Variants in SOX6 observed in about 807,000 individuals in gnomAD.
SOX6 encodes the protein transcription factor SOX-6.
In SOX6, 11 loss-of-function variants were observed where a neutral mutation model predicts 97.8. The observed-to-expected ratio is 0.11, with a 90% CI of 0.07 to 0.19. SOX6 has a LOEUF of 0.19. SOX6 is among the 10% of genes least tolerant of loss of function. The pLI, the probability that SOX6 is intolerant of heterozygous loss-of-function variation, is 1.00. For synonymous variants in SOX6, 360 were observed against 371.4 expected, an observed-to-expected ratio of 0.97 and a Z score of 0.35; for missense variants, 810 against 1,039.5, an observed-to-expected ratio of 0.78 and a Z score of 3.04.
At position 16,246,356 on chromosome 11, in the gene SOX6, T is replaced by C. The variant is rs1051494075; in HGVS notation, c.446-11685A>G. ...AACCATTTACAGTAACCTTCATTAC[T>C]TTTTAAAATCTAAGTTTCCATCTAG... is the stretch of plus-strand genomic sequence containing the variant. On this transcript the variant is annotated intron_variant, in intron 3 of 15. Coordinates refer to ENST00000683767, the MANE Select transcript of SOX6 (RefSeq NM_001367873.1). Among the ~76,000 whole-genome samples the C allele has an allele frequency of 1.1e-4, 17 of 151,936 alleles. 1 individual carries two copies. In the East Asian group the frequency reaches 3.3e-3, roughly 29 times the overall value.
intron 2 of SOX6, among the ~76,000 whole-genome samples, chr11:16,334,121 C>A (rs1856390327): frequency 6.6e-6 from 1 of 151,794 alleles, no homozygotes; most frequent in Admixed American, 6.6e-5. Flanking sequence ...CTTATACAGA[C>A]TTAATGATTA....
intron 3 of SOX6, chr11:16,312,055 T>C (rs1855619303): frequency 6.6e-6 from 1 of 152,170 alleles, no homozygotes; most frequent in Non-Finnish European, 1.5e-5. Context: ...CCTTCTTACA[T>C]GCACAGTAAA....
intron 4 of SOX6, among the ~76,000 whole-genome samples, chr11:16,202,659 T>A (rs980917029): frequency 6.6e-6 from 1 of 152,058 alleles, no homozygotes; most frequent in Non-Finnish European, 1.5e-5. Flanking sequence ...CAACCACCTA[T>A]CTCTCCAGAA....
intron 4 of SOX6, among the ~76,000 whole-genome samples, chr11:16,556,216 G>A (rs1375517508): frequency 6.6e-6 from 1 of 151,682 alleles, no homozygotes. Context: ...TACAGCCATA[G>A]CCTACAAATG....
rs139246008 is a variant in SOX6 at position 16,389,571 on chromosome 11, G to T, written c.-4-48319C>A. 5.7e-4 allele frequency among the ~76,000 whole-genome samples: 85 copies of T among 150,424 alleles called. 1 individual carries two copies. The East Asian group carries it at 0.016, about 29-fold the overall frequency. On this transcript the variant is annotated intron_variant, in intron 1 of 15. Transcript: ENST00000396356. ...CTTATTTTTTTTTCAAATTTTCCTG[G>T]TTCTTCATATGTTGAGCAATTTTGG...
intron 3 of SOX6, among the ~76,000 whole-genome samples, chr11:16,272,947 C>A (rs1854299830): frequency 1.3e-5 from 2 of 151,814 alleles, no homozygotes; most frequent in Non-Finnish European, 2.9e-5. Context: ...TTAATATTAG[C>A]AATCAAGTCT....
chr11:16,304,371 A>G (rs967117840), intron 3 of SOX6, among the ~76,000 whole-genome samples: 1 of 152,278 alleles, frequency 6.6e-6, no homozygotes, highest in Non-Finnish European at 1.5e-5. Flanking sequence ...CTCCACCTTC[A>G]TGAATAGGAT....
At chr11:15,982,195 T>C (rs1434307073) in intron 15 of SOX6, among the ~76,000 whole-genome samples, 3 of 152,100 alleles carry the variant, frequency 2.0e-5, no homozygotes, top group Non-Finnish European at 4.4e-5. Flanking sequence ...AAGGGACATA[T>C]GTTTCACATT....
chr11:16,722,722 G>T (rs923112627), intron 2 of SOX6, among the ~76,000 whole-genome samples: 1 of 151,806 alleles, frequency 6.6e-6, no homozygotes, highest in African/African-American at 2.4e-5. Flanking sequence ...TGAGCATATG[G>T]AAAAAACCTC....
At chr11:16,217,886 ACCTG>A (rs1852420220) in intron 4 of SOX6, among the ~76,000 whole-genome samples, 2 of 152,054 alleles carry the variant, frequency 1.3e-5, no homozygotes. Context: ...ATAAACAGTT[ACCTG>A]CCTGTAATTG....
At position 15,972,675 on chromosome 11, in the gene SOX6, C is replaced by A; in HGVS notation, c.*134G>T. On this transcript the variant is annotated 3_prime_UTR_variant, in exon 16 of 16. Coordinates refer to ENST00000683767, the MANE Select transcript of SOX6 (RefSeq NM_001367873.1). ...ATCAGGGAAAACTTAATCTGTCTCA[C>A]ACTTTACGAAACAATTAAGACCATT... is the stretch of plus-strand genomic sequence containing the variant. 1 of 953,204 alleles carries A rather than the reference C, an allele frequency of 1.0e-6. No individual in the cohort carries two copies. The highest frequency in any genetic ancestry group is 1.6e-6 in the Non-Finnish European group (1 of 611,392). The allele number at this position is 953,204 out of a possible 1,614,324, so 59.0% of individuals were successfully genotyped here.
At chr11:16,518,263 G>T (rs1319256594) in intron 4 of SOX6, among the ~76,000 whole-genome samples, 1 of 152,038 alleles carries the variant, frequency 6.6e-6, no homozygotes, top group East Asian at 1.9e-4. Context: ...TCCCTTCAGG[G>T]CTTTATTTAT....
At chr11:16,253,119 G>A (rs923692241) in intron 3 of SOX6, among the ~76,000 whole-genome samples, 18 of 152,070 alleles carry the variant, frequency 1.2e-4, no homozygotes, top group African/African-American at 7.2e-5. Flanking sequence ...AGGCCTAGGC[G>A]GGCAGATCAC....
At chr11:16,451,686 A>T (rs998602832) in intron 1 of SOX6, among the ~76,000 whole-genome samples, 1 of 152,140 alleles carries the variant, frequency 6.6e-6, no homozygotes, top group African/African-American at 2.4e-5. Flanking sequence ...CACCTGCTGA[A>T]GCAGTCCATC....
intron 1 of SOX6, among the ~76,000 whole-genome samples, chr11:16,455,602 C>T (rs371816324): frequency 6.6e-6 from 1 of 151,950 alleles, no homozygotes; most frequent in South Asian, 2.1e-4. Flanking sequence ...GACAGCTCAA[C>T]AAATCAAATT....
intron 1 of SOX6, among the ~76,000 whole-genome samples, chr11:16,429,104 G>A (rs78860676): frequency 0.019 from 2,939 of 152,256 alleles, 94 homozygotes; most frequent in African/African-American, 0.067. Flanking sequence ...TTAGAGAAAT[G>A]CAAATCTAAA....
chr11:16,318,746 G>T, intron 2 of SOX6, 93 bp from the exon 3 acceptor site: 1 of 882,246 alleles, frequency 1.1e-6, no homozygotes, highest in Non-Finnish European at 1.8e-6. Flanking sequence ...AGTATATGAT[G>T]CTTAGTAGGA....
chr11:16,082,671 C>T (rs113962516), intron 9 of SOX6, among the ~76,000 whole-genome samples: 4,156 of 152,198 alleles, frequency 0.027, 80 homozygotes, highest in Middle Eastern at 0.075. Context: ...ATCAATCTTA[C>T]CAAACACAGT....
chr11:16,114,543 CAAATTACTGATAAAACAAGCAATAA>C (rs1293553381), intron 6 of SOX6, among the ~76,000 whole-genome samples: 19 of 152,120 alleles, frequency 1.2e-4, no homozygotes, highest in Non-Finnish European at 1.5e-5. Context: ...TAGAAATTAT[CAAATTACTGATAAAACAAGCAATAA>C]AACAAGCAAT....
Sources: allele counts gnomAD v4.1 joint callset (sites outside exome capture counted in the v4.1 genomes callset), GRCh38; gene constraint gnomAD v4.1.1; transcripts MANE v1.5; gene names NCBI Gene and HGNC (gene_info 2026-07-23, HGNC 2026-07-21).